Variants in SYNE2 observed in about 807,000 individuals in gnomAD.
The protein encoded by SYNE2 is spectrin repeat containing nuclear envelope protein 2, also known as nesprin-2.
SYNE2 carries 431 observed loss-of-function variants against 856.3 expected under a neutral mutation model. The observed-to-expected ratio is 0.50, with a 90% CI of 0.47 to 0.55. The LOEUF (loss-of-function observed/expected upper bound fraction) is 0.55. Among genes scored for constraint, SYNE2 ranks in the 20% least tolerant of loss-of-function variants. The pLI is 0.00. For missense variants in SYNE2, 8,129 were observed against 8,023.2 expected (o/e 1.01, Z -0.50); for synonymous variants, 2,923 against 2,872.3 (o/e 1.02, Z -0.56).
rs991431776 is a variant in SYNE2 at position 64,094,419 on chromosome 14, G to C, written c.12108+939G>C. Among the ~76,000 whole-genome samples, 10 of 152,242 alleles carry C rather than the reference G, an allele frequency of 6.6e-5. 1 individual carries two copies. In the South Asian group the frequency reaches 1.9e-3, roughly 28 times the overall value. On this transcript the variant is annotated intron_variant, in intron 61 of 115. Coordinates refer to ENST00000555002, the MANE Select transcript of SYNE2 (RefSeq NM_182914.3). ...TTTGCATGTTAACCATCTGTTGCTAGGTTTTTTCAGTCTTTGTTTTTGAAG... is the reference window on the plus strand; with the variant it reads ...TTTGCATGTTAACCATCTGTTGCTACGTTTTTTCAGTCTTTGTTTTTGAAG...
intron 1 of SYNE2, among the ~76,000 whole-genome samples, chr14:63,788,410 G>A (rs1887616592): frequency 6.6e-6 from 1 of 152,102 alleles, no homozygotes; most frequent in Admixed American, 6.5e-5. Context: ...GCCTGGGTCT[G>A]CAGCAGTGGG....
At chr14:64,081,135 C>T (rs547124683) in intron 56 of SYNE2, among the ~76,000 whole-genome samples, 4 of 152,320 alleles carry the variant, frequency 2.6e-5, no homozygotes, top group African/African-American at 7.2e-5. Context: ...GGACAAAGTA[C>T]AGTCCAGTTT....
intron 73 of SYNE2, among the ~76,000 whole-genome samples, chr14:64,127,681 A>G (rs933553011): frequency 6.6e-6 from 1 of 152,220 alleles, no homozygotes; most frequent in Non-Finnish European, 1.5e-5. Context: ...CCAGGCAGGT[A>G]GAAGAGTTAG....
chr14:63,962,151 G>C (rs1028826174), intron 9 of SYNE2, among the ~76,000 whole-genome samples: 1 of 151,780 alleles, frequency 6.6e-6, no homozygotes, highest in Admixed American at 6.6e-5. Flanking sequence ...CTGTCTCCCC[G>C]TTCAAGTGAT....
chr14:63,968,037 C>A (rs1372775180), intron 11 of SYNE2, among the ~76,000 whole-genome samples, 191 bp downstream of exon 11: 1 of 152,136 alleles, frequency 6.6e-6, no homozygotes, highest in African/African-American at 2.4e-5. Context: ...TTGGTGAGCA[C>A]CTGTAATCCC....
chr14:63,818,913 T>C (rs1299996785), intron 1 of SYNE2, among the ~76,000 whole-genome samples: 1 of 151,988 alleles, frequency 6.6e-6, no homozygotes. Flanking sequence ...TTAGCCAGGA[T>C]GGTCTCGATC....
chr14:63,871,459 C>T (rs1896828531), intron 1 of SYNE2, among the ~76,000 whole-genome samples: 1 of 152,076 alleles, frequency 6.6e-6, no homozygotes, highest in Admixed American at 6.6e-5. Flanking sequence ...CCGCCTGCCT[C>T]AGCCTCCCAA....
At chr14:64,181,314 A>G (rs2098456990) in intron 96 of SYNE2, among the ~76,000 whole-genome samples, 1 of 152,158 alleles carries the variant, frequency 6.6e-6, no homozygotes, top group Admixed American at 6.6e-5. Flanking sequence ...TATCATCCCT[A>G]CCTCATTAGG....
At chr14:64,040,443 A>G (rs1455233670) in intron 45 of SYNE2, among the ~76,000 whole-genome samples, 1 of 151,828 alleles carries the variant, frequency 6.6e-6, no homozygotes, top group African/African-American at 2.4e-5. Flanking sequence ...ACAAACAACA[A>G]AAAAAGTCAT....
upstream of SYNE2, among the ~76,000 whole-genome samples, chr14:63,849,171 C>T (rs1033334861): frequency 6.6e-6 from 1 of 151,988 alleles, no homozygotes; most frequent in African/African-American, 2.4e-5. Context: ...TATACAAGTG[C>T]TCCCAAAGTG....
chr14:63,823,929 A>G (rs1889321806), intron 1 of SYNE2, among the ~76,000 whole-genome samples: 1 of 152,128 alleles, frequency 6.6e-6, no homozygotes, highest in Admixed American at 6.6e-5. Context: ...GAGCCACCAC[A>G]CCTGGCCCAG....
At chr14:63,976,933 T>G (rs1275216792) in intron 12 of SYNE2, among the ~76,000 whole-genome samples, 1 of 149,664 alleles carries the variant, frequency 6.7e-6, no homozygotes, top group Non-Finnish European at 1.5e-5. Context: ...ACAATTAGGA[T>G]AGAATCTAAA....
At chr14:63,958,233 T>G (rs1194083891) in intron 8 of SYNE2, among the ~76,000 whole-genome samples, 2 of 152,150 alleles carry the variant, frequency 1.3e-5, no homozygotes, top group African/African-American at 4.8e-5. Flanking sequence ...AGGTAATACT[T>G]TATTCATATT....
chr14:64,169,448 A>G (rs558997583), intron 93 of SYNE2, among the ~76,000 whole-genome samples: 3 of 152,362 alleles, frequency 2.0e-5, no homozygotes, highest in East Asian at 1.9e-4. Context: ...GGCAGTGCCA[A>G]TCAGGCTGAA....
chr14:64,052,881 G>A lies in SYNE2; in HGVS notation c.8968G>A (p.Ala2990Thr), dbSNP rs748085293. The A allele has an allele frequency of 6.4e-5, 103 of 1,613,638 alleles. No individual in the cohort carries two copies. The highest frequency in any genetic ancestry group is 1.8e-4 in the Admixed American group (11 of 59,934). Residue 2990 changes from alanine (A) to threonine (T), a missense_variant, in exon 48 of 116, where the codon GCT becomes ACT. Physicochemically the swap from Ala to Thr is moderately conservative, Grantham distance 58. Coordinates refer to ENST00000555002, the MANE Select transcript of SYNE2 (RefSeq NM_182914.3). ...EIYNLKDRLT[A>T]IKCCILQVLK... ...CTATAATCTTAAAGACAGACTCACC[G>A]CTATTAAGTGTTGCATCTTACAGGT...
At chr14:63,875,449 A>G (rs1263445585) in intron 1 of SYNE2, among the ~76,000 whole-genome samples, 2 of 152,254 alleles carry the variant, frequency 1.3e-5, no homozygotes, top group Non-Finnish European at 2.9e-5. Flanking sequence ...TAACAATGAC[A>G]ACATTTTAGG....
chr14:64,126,421 T>A lies in SYNE2; in HGVS notation c.13649T>A (p.Met4550Lys). The change falls in exon 72 of 116, where the codon ATG (methionine) becomes AAG (lysine). Residue 4550 changes from methionine to lysine, a missense_variant. By Grantham distance (95) the Met-to-Lys change is moderately conservative. Transcript: ENST00000555002. Reference protein sequence around the residue: ...LSQCLSSVEEMLEMPRLYRED... With the variant: ...LSQCLSSVEEKLEMPRLYRED... ...CAGTGCCTCAGCAGTGTGGAGGAGA[T>A]GCTGGAGATGCCCAGACTTTACAGG... 6.2e-7 allele frequency: 1 copy of A among 1,614,204 alleles called. No homozygotes were observed.
chr14:64,082,469 TTC>T (rs1267431701), intron 57 of SYNE2, among the ~76,000 whole-genome samples: 1 of 152,104 alleles, frequency 6.6e-6, no homozygotes, highest in Non-Finnish European at 1.5e-5. Flanking sequence ...TGCAGAGAGA[TTC>T]TTCTTGAGAA....
intron 85 of SYNE2, among the ~76,000 whole-genome samples, chr14:64,153,044 C>CA (rs2098256864): frequency 6.6e-6 from 1 of 152,138 alleles, no homozygotes; most frequent in Non-Finnish European, 1.5e-5. Flanking sequence ...GCAAGATATA[C>CA]AGAAACAGTG....
Sources: allele counts gnomAD v4.1 joint callset (sites outside exome capture counted in the v4.1 genomes callset), GRCh38; gene constraint gnomAD v4.1.1; transcripts MANE v1.5; gene names NCBI Gene and HGNC (gene_info 2026-07-23, HGNC 2026-07-21).